The following CD5 variants were observed in gnomAD, a reference collection of about 807,000 sequenced individuals.
CD5 encodes T-cell surface glycoprotein CD5.
In CD5, 36 loss-of-function variants were observed where a neutral mutation model predicts 60.3. The ratio of observed to expected loss-of-function variants is 0.60; its 90% CI spans 0.46 to 0.79. CD5 has a LOEUF of 0.79. CD5 is among the 30% of genes least tolerant of loss of function. CD5 has a pLI of 0.00. For missense variants in CD5, 540 were observed against 630.6 expected, an observed-to-expected ratio of 0.86 and a Z score of 1.54; for synonymous variants, 230 against 257.6, an observed-to-expected ratio of 0.89 and a Z score of 1.03.
chr11:61,124,945 T>G, intron 8 of CD5, 87 bp from the exon 9 acceptor site: 5 of 1,529,874 alleles, frequency 3.3e-6, no homozygotes, highest in Non-Finnish European at 3.6e-6. Flanking sequence ...ATCATGGGAA[T>G]AGGAGATTAA....
intron 1 of CD5, among the ~76,000 whole-genome samples, chr11:61,114,297 AT>A (rs1860903342): frequency 6.6e-6 from 1 of 151,990 alleles, no homozygotes; most frequent in Non-Finnish European, 1.5e-5. Context: ...ACTCCATTTC[AT>A]TTTTAAAAAA....
At chr11:61,120,853 G>C (rs900351197) in intron 5 of CD5, among the ~76,000 whole-genome samples, 1 of 152,212 alleles carries the variant, frequency 6.6e-6, no homozygotes, top group Non-Finnish European at 1.5e-5. Flanking sequence ...CTTCCTGCAG[G>C]CTACAACCTG....
Position 61,125,275 on chromosome 11 carries a change from A to G in CD5, c.1399+124A>G, listed in dbSNP as rs78926081. ...GACAGAATGGAGACCCCAGGGTGCA[A>G]GGGGATCAAACATCGCAGGATGCAG... On this transcript the variant is annotated intron_variant, in intron 9 of 10. Coordinates refer to ENST00000347785, the MANE Select transcript of CD5 (RefSeq NM_014207.4). The G allele has an allele frequency of 4.7e-3, 5,054 of 1,065,486 alleles. 94 individuals are homozygous for G. The African/African-American group carries it at 0.049, about 10-fold the overall frequency. The allele number at this position is 1,065,486 out of a possible 1,614,324, so 66.0% of individuals were successfully genotyped here.
intron 8 of CD5, among the ~76,000 whole-genome samples, chr11:61,124,647 G>C (rs1401519126): frequency 6.6e-6 from 1 of 151,924 alleles, no homozygotes; most frequent in East Asian, 1.9e-4. Flanking sequence ...GGGCTCTGTT[G>C]AATTTGTTAT....
chr11:61,125,874 C>T, intron 10 of CD5, 33 bp downstream of exon 10: 1 of 1,503,540 alleles, frequency 6.7e-7, no homozygotes, highest in Non-Finnish European at 9.1e-7. Context: ...CCCAGCACCC[C>T]AGGGTCCCCC....
chr11:61,123,049 T>C lies in CD5; in HGVS notation c.1225+17T>C, dbSNP rs199607524. 1,003 of 1,597,542 alleles carry C rather than the reference T, an allele frequency of 6.3e-4. 6 individuals carry two copies. The African/African-American group carries it at 0.012, about 20-fold the overall frequency. On this transcript the variant is annotated intron_variant, in intron 7 of 10. Transcript: ENST00000347785. ...TGAAGAAATGTAGGTGTCACGGCCCTGAGTGGCTCCGTTCCCACGTGCAGA... is the reference window on the plus strand; with the variant it reads ...TGAAGAAATGTAGGTGTCACGGCCCCGAGTGGCTCCGTTCCCACGTGCAGA...
chr11:61,105,785 A>G (rs1398851477), intron 1 of CD5, among the ~76,000 whole-genome samples: 1 of 152,172 alleles, frequency 6.6e-6, no homozygotes, highest in Non-Finnish European at 1.5e-5. Flanking sequence ...CCCTGCCCTC[A>G]AGGATTTGAT....
chr11:61,117,634 G>T (rs896774504), intron 2 of CD5, among the ~76,000 whole-genome samples: 1 of 151,934 alleles, frequency 6.6e-6, no homozygotes, highest in Non-Finnish European at 1.5e-5. Flanking sequence ...GATTACAGGC[G>T]CCTGCCACCA....
intron 7 of CD5, 73 bp from the exon 8 acceptor site, chr11:61,123,811 A>AAACCCCCCC: frequency 2.3e-5 from 6 of 262,112 alleles, no homozygotes; most frequent in Non-Finnish European, 3.6e-5. Context: ...GCCCAGCCCC[A>AAACCCCCCC]TCCCCACCCC....
the CD5 span, among the ~76,000 whole-genome samples, chr11:61,094,088 G>T: frequency 6.6e-6 from 1 of 151,988 alleles, no homozygotes; most frequent in South Asian, 2.1e-4. Flanking sequence ...AGTGATTAAC[G>T]GACAGTTGAG....
chr11:61,117,270 C>G (rs1447715215), intron 2 of CD5, among the ~76,000 whole-genome samples: 1 of 152,192 alleles, frequency 6.6e-6, no homozygotes, highest in African/African-American at 2.4e-5. Context: ...CATTGTAGCA[C>G]AGGCAAAACT....
At chr11:61,121,424 G>C (rs895035135) in intron 5 of CD5, among the ~76,000 whole-genome samples, 187 bp from the exon 6 acceptor site, 5 of 152,252 alleles carry the variant, frequency 3.3e-5, no homozygotes, top group Non-Finnish European at 7.3e-5. Context: ...TGCTGGGTCA[G>C]GGGAAGAGCC....
intron 2 of CD5, among the ~76,000 whole-genome samples, chr11:61,116,494 ACAC>A (rs371175867): frequency 0.038 from 4,818 of 126,658 alleles, 308 homozygotes; most frequent in African/African-American, 0.14. Flanking sequence ...CACCCCACAC[ACAC>A]CACCACACCA....
In CD5 at chr11:61,121,684, G is replaced by A; in HGVS notation, c.879G>A (p.Gln293=). 1 of 1,593,426 alleles carries A rather than the reference G, an allele frequency of 6.3e-7. No individual in the cohort carries two copies. The highest frequency in any genetic ancestry group is 2.3e-5 in the East Asian group (1 of 44,262). Residue 293 remains glutamine (Q), a synonymous_variant, in exon 6 of 11, where the codon CAG becomes CAA. Coordinates refer to ENST00000347785, the MANE Select transcript of CD5 (RefSeq NM_014207.4). ...SICEGTVEVR[Q]GAQWAALCDS... ...GTGAAGGCACCGTGGAGGTGCGCCA[G>A]GGGGCTCAGTGGGCAGCCCTGTGTG...
chr11:61,106,442 G>T (rs1295938462), intron 1 of CD5, among the ~76,000 whole-genome samples: 2 of 152,150 alleles, frequency 1.3e-5, no homozygotes, highest in Non-Finnish European at 2.9e-5. Context: ...CAGGGCAGCA[G>T]GCCCACTGTC....
chr11:61,121,746 A>T lies in CD5; in HGVS notation c.941A>T (p.Glu314Val), dbSNP rs1232688061. The change falls in exon 6 of 11, where the codon GAG becomes GTG. Residue 314 changes from glutamate to valine, a missense_variant. Physicochemically the swap from Glu to Val is moderately radical, Grantham distance 121. Coordinates refer to ENST00000347785, the MANE Select transcript of CD5 (RefSeq NM_014207.4). ...GCCAGGAGCTCGCTGCGGTGGGAGG[A>T]GGTGTGCCGGGAGCAGCAGTGTGGC... ...SSARSSLRWE[E>V]VCREQQCGSV... The T allele has an allele frequency of 1.2e-6, 2 of 1,611,720 alleles. No homozygotes were observed. Among genetic ancestry groups the T allele is most frequent in the Non-Finnish European group, 1.7e-6 (2 of 1,178,492 alleles).
At chr11:61,112,994 G>A (rs552255747) in intron 1 of CD5, among the ~76,000 whole-genome samples, 11 of 152,278 alleles carry the variant, frequency 7.2e-5, no homozygotes, top group East Asian at 5.8e-4. Context: ...GGCTGGACTC[G>A]AACTCCTTGG....
chr11:61,101,597 CACA>C (rs1306185145), upstream of CD5, among the ~76,000 whole-genome samples: 4 of 149,456 alleles, frequency 2.7e-5, no homozygotes, highest in East Asian at 2.0e-4. Flanking sequence ...ATCACAAACA[CACA>C]ACATGGAAAT....
At position 61,102,548 on chromosome 11, in the gene CD5, A is replaced by G. The variant is rs748654432; in HGVS notation, c.-13A>G. The G allele has an allele frequency of 6.3e-7, 1 of 1,574,918 alleles. No homozygotes were observed. The highest frequency in any genetic ancestry group is 1.8e-5 in the Admixed American group (1 of 54,746). ...CCAGCTGCCCAGGCTGAGGCAAGAG[A>G]AGGCCAGAAACCATGCCCATGGGGT... On this transcript the variant is annotated 5_prime_UTR_variant, in exon 1 of 11. Coordinates refer to ENST00000347785, the MANE Select transcript of CD5 (RefSeq NM_014207.4).
Sources: allele counts gnomAD v4.1 joint callset (sites outside exome capture counted in the v4.1 genomes callset), GRCh38; gene constraint gnomAD v4.1.1; transcripts MANE v1.5; gene names NCBI Gene and HGNC (gene_info 2026-07-23, HGNC 2026-07-21).